The following DPP9 variants were observed in gnomAD, a reference collection of about 807,000 sequenced individuals.
DPP9 encodes dipeptidyl peptidase IV-related protein-2.
DPP9 carries 50 observed loss-of-function variants against 110.7 expected under a neutral mutation model. The observed-to-expected ratio is 0.45, with a 90% CI of 0.36 to 0.57. The LOEUF (loss-of-function observed/expected upper bound fraction) is 0.57, where lower values mean the gene tolerates loss of function less well. DPP9 is among the 20% of genes least tolerant of loss of function. The probability of loss-of-function intolerance (pLI) is 0.00; values close to 1 mark genes in which losing one functional copy is unlikely to be tolerated. For missense variants in DPP9, 1,022 were observed against 1,217.9 expected, an observed-to-expected ratio of 0.84 and a Z score of 2.39; for synonymous variants, 561 against 514.4, an observed-to-expected ratio of 1.09 and a Z score of -1.23.
rs991828036 is a variant in DPP9, at chr19:4,694,309, A to G, written c.1516+352T>C. ...CTGCAGCACAAAAGCGACCACAGAC[A>G]GTCTCTGTAAACAAGTGGCTGTGGC... On this transcript the variant is annotated intron_variant, in intron 13 of 21. Transcript: ENST00000262960. This position sits in a 1 kb window ranked among gnomAD's most constrained non-coding sequence, Gnocchi z 4.0. 11 of 436,290 alleles carry G rather than the reference A, an allele frequency of 2.5e-5. No individual in the cohort carries two copies. The Admixed American group carries it at 3.5e-4, about 14-fold the overall frequency. The allele number at this position is 436,290 out of a possible 1,614,324, so 27.0% of individuals were successfully genotyped here. A position where few individuals can be genotyped will look rare whatever the true frequency, so the allele number is the denominator to read the frequency against.
chr19:4,675,905 G>A lies in DPP9; in HGVS notation c.*659C>T, dbSNP rs1032829353. On this transcript the variant is annotated 3_prime_UTR_variant, in exon 22 of 22. Coordinates refer to ENST00000262960, the MANE Select transcript of DPP9 (RefSeq NM_139159.5). ...TCCTGCCTCAGCCTCCCGAGTAGCT[G>A]GGATTATAGGCACGCGCCACCACAC... The A allele has an allele frequency of 4.6e-5, 7 of 152,392 alleles. No individual in the cohort carries two copies. The highest frequency in any genetic ancestry group is 1.7e-4 in the African/African-American group (7 of 41,436). The allele number at this position is 152,392 out of a possible 1,614,324, so 9.4% of individuals were successfully genotyped here. A position where few individuals can be genotyped will look rare whatever the true frequency, so the allele number is the denominator to read the frequency against.
At chr19:4,692,244 T>C (rs2091395285) in intron 13 of DPP9, among the ~76,000 whole-genome samples, 1 of 152,114 alleles carries the variant, frequency 6.6e-6, no homozygotes. Context: ...AGAATGACAG[T>C]GCGGGGTGCA....
intron 21 of DPP9, 94 bp downstream of exon 21, chr19:4,679,741 G>A: frequency 1.1e-6 from 1 of 951,806 alleles, no homozygotes; most frequent in Non-Finnish European, 1.6e-6. Context: ...GGGAGCCCCT[G>A]GTCACAGTGG....
intron 14 of DPP9, among the ~76,000 whole-genome samples, chr19:4,690,054 C>T (rs1247183967): frequency 1.3e-5 from 2 of 152,186 alleles, no homozygotes; most frequent in South Asian, 2.1e-4. Context: ...GCACCGTGCC[C>T]GAAACAGAGG....
In DPP9 at chr19:4,703,916, C is replaced by T. The variant is rs899853133; in HGVS notation, c.739G>A (p.Glu247Lys). 5.0e-6 allele frequency: 8 copies of T among 1,611,108 alleles called. No homozygotes were observed. Among genetic ancestry groups the T allele is most frequent in the East Asian group, 2.2e-5 (1 of 44,760 alleles). ...TGGCAGAAGGTCAGCCGCCGCTCCT[C>T]GCCTGTCTCGATGTTGGCCACCCAC... ...DLWVANIETG[E>K]ERRLTFCHQG... is the part of the protein sequence containing the mutation. The change falls in exon 7 of 22, where the codon GAG (glutamate) becomes AAG (lysine). Residue 247 changes from glutamate to lysine, a missense_variant. By Grantham distance (56) the Glu-to-Lys change is moderately conservative. Transcript: ENST00000262960.
At position 4,700,804 on chromosome 19, in the gene DPP9, G is replaced by T. The variant is rs1320957115; in HGVS notation, c.1013-527C>A. Among the ~76,000 whole-genome samples the T allele has an allele frequency of 2.6e-5, 4 of 152,176 alleles. No homozygotes were observed. The highest frequency in any genetic ancestry group is 5.9e-5 in the Non-Finnish European group (4 of 68,032). On this transcript the variant is annotated intron_variant, in intron 9 of 21. Coordinates refer to ENST00000262960, the MANE Select transcript of DPP9 (RefSeq NM_139159.5). This position sits in a 1 kb window ranked among gnomAD's most constrained non-coding sequence, Gnocchi z 4.3. ...TTCTGAAGAGTGGGACTTAGTTCAG[G>T]CTCCGAAAGAGGGCGCGGGCCACAG...
At chr19:4,692,607 C>G (rs1170417499) in intron 13 of DPP9, among the ~76,000 whole-genome samples, 4 of 152,140 alleles carry the variant, frequency 2.6e-5, no homozygotes, top group Non-Finnish European at 5.9e-5. Context: ...GTGTGCCCAC[C>G]TCACAGGCCG....
chr19:4,676,234 C>T lies in DPP9; in HGVS notation c.*330G>A. Reference sequence around the variant, plus strand: ...GTCACAGGGAGCCCCAGGCGGAAGGCAGCCCGCTCCTCTGAGTCTCTTCTG... The same window carrying T: ...GTCACAGGGAGCCCCAGGCGGAAGGTAGCCCGCTCCTCTGAGTCTCTTCTG... On this transcript the variant is annotated 3_prime_UTR_variant, in exon 22 of 22. Transcript: ENST00000262960. This position sits in a 1 kb window ranked among gnomAD's most constrained non-coding sequence, Gnocchi z 4.0. The T allele has an allele frequency of 3.2e-6, 1 of 307,896 alleles. No homozygotes were observed. The highest frequency in any genetic ancestry group is 6.2e-6 in the Non-Finnish European group (1 of 162,600). 19.1% of individuals were successfully genotyped at this position (307,896 alleles called of 1,614,324 possible). A position where few individuals can be genotyped will look rare whatever the true frequency, so the allele number is the denominator to read the frequency against.
At position 4,698,107 on chromosome 19, in the gene DPP9, C is replaced by T. The variant is rs373957113; in HGVS notation, c.1075-456G>A. On this transcript the variant is annotated intron_variant, in intron 10 of 21. Coordinates refer to ENST00000262960, the MANE Select transcript of DPP9 (RefSeq NM_139159.5). This position sits in a 1 kb window ranked among gnomAD's most constrained non-coding sequence, Gnocchi z 4.2. Reference sequence around the variant, plus strand: ...GGGGCAGGTGGGCTGGGCAAGCCAACGGCGGCACCCCAGCAGGTGCCTGGA... The same window carrying T: ...GGGGCAGGTGGGCTGGGCAAGCCAATGGCGGCACCCCAGCAGGTGCCTGGA... Among the ~76,000 whole-genome samples the T allele has an allele frequency of 1.3e-5, 2 of 152,174 alleles. No individual in the cohort carries two copies. Among genetic ancestry groups the T allele is most frequent in the African/African-American group, 2.4e-5 (1 of 41,444 alleles).
At chr19:4,691,542 C>G (rs1286376473) in intron 13 of DPP9, among the ~76,000 whole-genome samples, 1 of 149,580 alleles carries the variant, frequency 6.7e-6, no homozygotes, top group Non-Finnish European at 1.5e-5. Context: ...TGGAATTTCC[C>G]AATTTTAGAA....
At chr19:4,679,779 C>G in intron 21 of DPP9, 56 bp downstream of exon 21, 5 of 1,383,538 alleles carry the variant, frequency 3.6e-6, no homozygotes, top group Non-Finnish European at 5.0e-6. Flanking sequence ...TCCCACCCCC[C>G]ACTCCCAGGG....
intron 21 of DPP9, among the ~76,000 whole-genome samples, chr19:4,678,936 A>G (rs918313444): frequency 6.6e-6 from 1 of 152,040 alleles, no homozygotes; most frequent in Non-Finnish European, 1.5e-5. Context: ...TCAAATGGCA[A>G]GCCGCCCAAC....
intron 4 of DPP9, among the ~76,000 whole-genome samples, chr19:4,711,024 T>G (rs2092806449): frequency 6.6e-6 from 1 of 152,074 alleles, no homozygotes; most frequent in Non-Finnish European, 1.5e-5. Flanking sequence ...TCCCGGAAAT[T>G]TGGAGAAAGT....
At chr19:4,683,446 G>T (rs756526033) in intron 19 of DPP9, 31 bp downstream of exon 19, 1 of 1,611,736 alleles carries the variant, frequency 6.2e-7, no homozygotes, top group African/African-American at 1.3e-5. Flanking sequence ...AGGGAGGGGC[G>T]TGGCTGAGGC....
At chr19:4,683,411 A>T in intron 19 of DPP9, 66 bp downstream of exon 19, 1 of 1,597,918 alleles carries the variant, frequency 6.3e-7, no homozygotes, top group Non-Finnish European at 8.5e-7. Context: ...CGGTGGGCAA[A>T]CGCGGCGTAG....
In DPP9 at chr19:4,700,720, G is replaced by T. The variant is rs996353851; in HGVS notation, c.1013-443C>A. Among the ~76,000 whole-genome samples, 1 of 152,186 alleles carries T rather than the reference G, an allele frequency of 6.6e-6. No individual in the cohort carries two copies. On this transcript the variant is annotated intron_variant, in intron 9 of 21. Coordinates refer to ENST00000262960, the MANE Select transcript of DPP9 (RefSeq NM_139159.5). The surrounding 1 kb of genome is among the most constrained non-coding windows in gnomAD (Gnocchi z 4.3). ...CCATGCAAAACCAGGGAGCCCGTGT[G>T]ACAGCCAGACCTGCGCCCTCCGGAG...
At chr19:4,686,012 A>G in intron 16 of DPP9, 1 of 453,150 alleles carries the variant, frequency 2.2e-6, no homozygotes, top group Non-Finnish European at 4.0e-6. Context: ...TCCTGGCCTC[A>G]AGCGATCCTC....
At position 4,703,980 on chromosome 19, in the gene DPP9, G is replaced by A. The variant is rs752343893; in HGVS notation, c.675C>T (p.Ala225=). Residue 225 remains alanine (A), a synonymous_variant, in exon 7 of 22, where the codon GCC becomes GCT. Transcript: ENST00000262960. The stretch of plus-strand genomic sequence containing the variant: ...TGATGAAGGAGAAGAAGGCAGGGTC[G>A]GCAGGGCAGATTTTGGGGTCCATCC... ...GPRMDPKICP[A]DPAFFSFINN... 14 of 1,613,882 alleles carry A rather than the reference G, an allele frequency of 8.7e-6. No homozygotes were observed. Among genetic ancestry groups the A allele is most frequent in the South Asian group, 5.5e-5 (5 of 91,088 alleles).
Position 4,684,527 on chromosome 19 carries a change from G to T in DPP9, c.2178+136C>A. 1 of 1,005,222 alleles carries T rather than the reference G, an allele frequency of 9.9e-7. No homozygotes were observed. Among genetic ancestry groups the T allele is most frequent in the Non-Finnish European group, 1.4e-6 (1 of 692,640 alleles). The allele number at this position is 1,005,222 out of a possible 1,614,324, so 62.3% of individuals were successfully genotyped here. On this transcript the variant is annotated intron_variant, in intron 18 of 21. Transcript: ENST00000262960. This position sits in a 1 kb window ranked among gnomAD's most constrained non-coding sequence, Gnocchi z 4.8. ...TTTTGTTCTAAAAGGGCGCCTCATTGAGCCTGCGTCACCCCAGCCAGAAGT... is the reference window on the plus strand; with the variant it reads ...TTTTGTTCTAAAAGGGCGCCTCATTTAGCCTGCGTCACCCCAGCCAGAAGT...
Sources: gnomAD v4.1 joint callset for allele counts (sites outside exome capture counted in the v4.1 genomes callset) on GRCh38, gnomAD v4.1.1 for gene constraint, Gnocchi (gnomAD v3.1) non-coding constraint, MANE v1.5 for transcripts, NCBI Gene and HGNC (gene_info 2026-07-23, HGNC 2026-07-21) for gene names.